Variants in ANKS6 observed in about 807,000 individuals in gnomAD.
ANKS6 encodes ankyrin repeat and SAM domain-containing protein 6.
A neutral mutation model predicts 77.9 loss-of-function variants in ANKS6; 47 were observed. That is an observed-to-expected ratio of 0.60 (90% CI 0.48 to 0.77). The LOEUF (loss-of-function observed/expected upper bound fraction) is 0.77, where lower values mean the gene tolerates loss of function less well. ANKS6 is among the 30% of genes least tolerant of loss of function. ANKS6 has a pLI of 0.00. For synonymous variants in ANKS6, 488 were observed against 501.7 expected (o/e 0.97, Z 0.37); for missense variants, 1,150 against 1,159.1 (o/e 0.99, Z 0.11).
intron 13 of ANKS6, 29 bp from the exon 14 acceptor site, chr9:98,745,704 T>A (rs1249480694): frequency 1.3e-6 from 2 of 1,557,300 alleles, no homozygotes; most frequent in Admixed American, 1.7e-5. Flanking sequence ...TTTGCCACCA[T>A]CTGCTGGATG....
chr9:98,753,606 G>A (rs943430044), intron 12 of ANKS6, among the ~76,000 whole-genome samples: 1 of 132,476 alleles, frequency 7.5e-6, no homozygotes, highest in African/African-American at 2.9e-5. Context: ...GGGTGACAGA[G>A]TAAGACCCTA....
chr9:98,780,314 C>A lies in ANKS6; in HGVS notation c.1243G>T (p.Ala415Ser), dbSNP rs753258232. ...DPDTELVRLL[A>S]SVCMQVNKDK... is the part of the protein sequence containing the mutation. Reference sequence around the variant, plus strand: ...TTATTCACCTGCATGCAGACAGATGCCAGCAGTCGAACAAGTTCCGTGTCT... The same window carrying A: ...TTATTCACCTGCATGCAGACAGATGACAGCAGTCGAACAAGTTCCGTGTCT... Residue 415 changes from alanine (A) to serine (S), a missense_variant, in exon 6 of 15, where the codon GCA becomes TCA. Ala to Ser is a moderately conservative substitution (Grantham distance 99, BLOSUM62 1). Coordinates refer to ENST00000353234, the MANE Select transcript of ANKS6 (RefSeq NM_173551.5). 1.2e-6 allele frequency: 2 copies of A among 1,603,088 alleles called. No individual in the cohort carries two copies. Among genetic ancestry groups the A allele is most frequent in the Non-Finnish European group, 1.7e-6 (2 of 1,174,446 alleles).
rs1366907825 is a variant in ANKS6 at position 98,790,869 on chromosome 9, C to T, written c.360-263G>A. 2.0e-5 allele frequency among the ~76,000 whole-genome samples: 3 copies of T among 152,226 alleles called. No individual in the cohort carries two copies. The East Asian group carries it at 5.8e-4, about 29-fold the overall frequency. ...AAGAACTTTGATTTCTTTGTGCCTT[C>T]ATTTCCTGATCTGCAAAATGGGGAT... On this transcript the variant is annotated intron_variant, in intron 1 of 14. Coordinates refer to ENST00000353234, the MANE Select transcript of ANKS6 (RefSeq NM_173551.5).
chr9:98,775,369 G>T lies in ANKS6; in HGVS notation c.1618-1289C>A, dbSNP rs79309688. On this transcript the variant is annotated intron_variant, in intron 8 of 14. Coordinates refer to ENST00000353234, the MANE Select transcript of ANKS6 (RefSeq NM_173551.5). ...ATAACAAAAAACTAGAAATCCCAGA[G>T]TCTGACAGTTCAGTCTTGGATAAAG... is the stretch of plus-strand genomic sequence containing the variant. 8.1e-3 allele frequency among the ~76,000 whole-genome samples: 1,227 copies of T among 152,284 alleles called. 18 individuals carry two copies. Among genetic ancestry groups the T allele is most frequent in the African/African-American group, 0.028 (1,156 of 41,558 alleles).
intron 11 of ANKS6, among the ~76,000 whole-genome samples, chr9:98,756,870 C>T (rs566249365): frequency 4.0e-5 from 6 of 151,362 alleles, no homozygotes; most frequent in African/African-American, 1.5e-4. Context: ...CACCCCGCCC[C>T]GCTCCCCCAA....
chr9:98,736,360 T>C lies in ANKS6; in HGVS notation c.*159A>G. On this transcript the variant is annotated 3_prime_UTR_variant, in exon 15 of 15. Transcript: ENST00000353234. ...TGTTGAAGTTTGTTGCAGCAAGAAG[T>C]ACTACCAATGAATGCCGTCGACGTG... The C allele has an allele frequency of 1.4e-6, 2 of 1,427,242 alleles. No individual in the cohort carries two copies. Among genetic ancestry groups the C allele is most frequent in the Non-Finnish European group, 1.8e-6 (2 of 1,094,244 alleles). The allele number at this position is 1,427,242 out of a possible 1,614,324, so 88.4% of individuals were successfully genotyped here. A position where few individuals can be genotyped will look rare whatever the true frequency, so the allele number is the denominator to read the frequency against.
Position 98,732,697 on chromosome 9 carries a change from T to C in ANKS6, c.*3822A>G. ...TCACTTTCACATGATCCCTGGGGGC[T>C]ACTATCCCCCTGTAACCAAAAGGGA... On this transcript the variant is annotated 3_prime_UTR_variant, in exon 15 of 15. Coordinates refer to ENST00000353234, the MANE Select transcript of ANKS6 (RefSeq NM_173551.5). 6.8e-7 allele frequency: 1 copy of C among 1,463,810 alleles called. No homozygotes were observed. The highest frequency in any genetic ancestry group is 9.0e-7 in the Non-Finnish European group (1 of 1,112,176). 90.7% of individuals were successfully genotyped at this position (1,463,810 alleles called of 1,614,324 possible).
At position 98,770,833 on chromosome 9, in the gene ANKS6, G is replaced by C. The variant is rs1025849164; in HGVS notation, c.1972+63C>G. Reference sequence around the variant, plus strand: ...TGTCTGCAACCTGAATATCCAGGCAGTGCACACCCTCAGTCCCAAGGGATC... The same window carrying C: ...TGTCTGCAACCTGAATATCCAGGCACTGCACACCCTCAGTCCCAAGGGATC... On this transcript the variant is annotated intron_variant, in intron 10 of 14. Transcript: ENST00000353234. 17 of 1,310,438 alleles carry C rather than the reference G, an allele frequency of 1.3e-5. No homozygotes were observed. In the African/African-American group the frequency reaches 2.3e-4, roughly 18 times the overall value. 81.2% of individuals were successfully genotyped at this position (1,310,438 alleles called of 1,614,324 possible).
At chr9:98,738,663 C>T (rs1436256610) in intron 14 of ANKS6, among the ~76,000 whole-genome samples, 1 of 151,604 alleles carries the variant, frequency 6.6e-6, no homozygotes, top group African/African-American at 2.4e-5. Context: ...TAAACTAGTA[C>T]CACCACTATG....
intron 2 of ANKS6, among the ~76,000 whole-genome samples, chr9:98,787,780 A>T (rs1834655342): frequency 6.6e-6 from 1 of 152,156 alleles, no homozygotes; most frequent in African/African-American, 2.4e-5. Flanking sequence ...GATGACCAAG[A>T]CCACCCAGGT....
At chr9:98,778,761 A>G (rs1332987096) in intron 6 of ANKS6, among the ~76,000 whole-genome samples, 1 of 152,212 alleles carries the variant, frequency 6.6e-6, no homozygotes, top group Non-Finnish European at 1.5e-5. Context: ...GAGGTCTTAC[A>G]GTGAGACAGG....
chr9:98,755,114 C>G (rs928628931), intron 12 of ANKS6, among the ~76,000 whole-genome samples: 2 of 152,156 alleles, frequency 1.3e-5, no homozygotes, highest in African/African-American at 4.8e-5. Context: ...ACAATAAAAG[C>G]AGCCCCCAAA....
intron 4 of ANKS6, 127 bp from the exon 5 acceptor site, chr9:98,782,700 A>C (rs1387760522): frequency 1.4e-6 from 1 of 698,460 alleles, no homozygotes; most frequent in Non-Finnish European, 2.5e-6. Flanking sequence ...AAGGGCAAAC[A>C]GTCTCACATT....
At chr9:98,752,913 C>A (rs537396992) in intron 12 of ANKS6, among the ~76,000 whole-genome samples, 4 of 152,286 alleles carry the variant, frequency 2.6e-5, no homozygotes, top group East Asian at 1.9e-4. Flanking sequence ...GGCTACTGAG[C>A]GAGGATGTAT....
rs768030253 is a variant in ANKS6, at chr9:98,768,160, C to T, written c.2063G>A (p.Ser688Asn). The change falls in exon 11 of 15, where the codon AGC becomes AAC. Residue 688 changes from serine to asparagine, a missense_variant. Transcript: ENST00000353234. ...GGACCCCGGTGCTGGCCCCACAGGG[C>T]TTGACCGATGGCTGGGTTTCTGCTC... ...LLEQKPSHRS[S>N]PVGPAPGSSP... The T allele has an allele frequency of 2.5e-6, 4 of 1,613,922 alleles. No individual in the cohort carries two copies. Among genetic ancestry groups the T allele is most frequent in the Admixed American group, 1.7e-5 (1 of 60,006 alleles).
At chr9:98,762,011 T>C (rs1395807346) in intron 11 of ANKS6, among the ~76,000 whole-genome samples, 2 of 152,210 alleles carry the variant, frequency 1.3e-5, no homozygotes, top group Non-Finnish European at 2.9e-5. Context: ...ATCTTCATAA[T>C]CACAAGCCTT....
At chr9:98,749,523 C>T (rs1036788543) in intron 13 of ANKS6, among the ~76,000 whole-genome samples, 1 of 152,146 alleles carries the variant, frequency 6.6e-6, no homozygotes, top group African/African-American at 2.4e-5. Flanking sequence ...CGCAGACATG[C>T]CAGGTCAGAA....
At chr9:98,777,294 C>T (rs1833968106) in intron 8 of ANKS6, 111 bp downstream of exon 8, 2 of 1,181,986 alleles carry the variant, frequency 1.7e-6, no homozygotes, top group Admixed American at 3.6e-5. Flanking sequence ...CATCACCAAC[C>T]CTATCTGTGA....
At chr9:98,751,411 C>T (rs1269361328) in intron 12 of ANKS6, among the ~76,000 whole-genome samples, 1 of 152,222 alleles carries the variant, frequency 6.6e-6, no homozygotes, top group Non-Finnish European at 1.5e-5. Flanking sequence ...GAAGTTCCAG[C>T]TGCCAGAACT....
Sources: allele counts gnomAD v4.1 joint callset (sites outside exome capture counted in the v4.1 genomes callset), GRCh38; gene constraint gnomAD v4.1.1; transcripts MANE v1.5; gene names NCBI Gene and HGNC (gene_info 2026-07-23, HGNC 2026-07-21).